The following SMARCAD1 variants were observed in gnomAD, a reference collection of about 807,000 sequenced individuals.
SMARCAD1 encodes SWI/SNF-related matrix-associated actin-dependent regulator of chromatin subfamily A containing DEAD/H box 1.
SMARCAD1 carries 25 observed loss-of-function variants against 127.1 expected under a neutral mutation model. The ratio of observed to expected loss-of-function variants is 0.20; its 90% CI spans 0.14 to 0.27. The LOEUF is 0.27. Ranked by LOEUF, SMARCAD1 falls within the 10% of genes least tolerant of loss-of-function variation. The pLI, the probability that SMARCAD1 is intolerant of heterozygous loss-of-function variation, is 1.00. For synonymous variants in SMARCAD1, 400 were observed against 396.9 expected, an observed-to-expected ratio of 1.01 and a Z score of -0.09; for missense variants, 807 against 1,206.0, an observed-to-expected ratio of 0.67 and a Z score of 4.90.
intron 12 of SMARCAD1, among the ~76,000 whole-genome samples, chr4:94,273,950 A>G (rs900700230): frequency 6.6e-6 from 1 of 152,240 alleles, no homozygotes; most frequent in African/African-American, 2.4e-5. Flanking sequence ...ATTTTAGACC[A>G]AGGACGATTT....
At chr4:94,233,240 CATTT>C (rs941394340) in intron 3 of SMARCAD1, among the ~76,000 whole-genome samples, 1 of 152,164 alleles carries the variant, frequency 6.6e-6, no homozygotes, top group Non-Finnish European at 1.5e-5. Context: ...AACTTACATT[CATTT>C]GTTACTGTTC....
At position 94,290,745 on chromosome 4, in the gene SMARCAD1, T is replaced by C. The variant is rs751947953; in HGVS notation, c.*1211T>C. Reference sequence around the variant, plus strand: ...TGTTTTTATTATACATCAGTTTCTTTGTATAACTTGTGAGTTCCATGTGTT... The same window carrying C: ...TGTTTTTATTATACATCAGTTTCTTCGTATAACTTGTGAGTTCCATGTGTT... On this transcript the variant is annotated 3_prime_UTR_variant, in exon 24 of 24. Transcript: ENST00000354268. The C allele has an allele frequency of 2.6e-5, 11 of 427,934 alleles. No homozygotes were observed. Among genetic ancestry groups the C allele is most frequent in the Non-Finnish European group, 4.1e-5 (9 of 217,518 alleles). 26.5% of individuals were successfully genotyped at this position (427,934 alleles called of 1,614,324 possible).
chr4:94,255,164 T>C (rs939801308), intron 9 of SMARCAD1, among the ~76,000 whole-genome samples: 12 of 152,046 alleles, frequency 7.9e-5, no homozygotes, highest in African/African-American at 1.2e-4. Context: ...CAGTCATATT[T>C]TAATGAAAAT....
chr4:94,278,663 A>C lies in SMARCAD1; in HGVS notation c.2226A>C (p.Ala742=). Residue 742 remains alanine, a synonymous_variant, in exon 18 of 24, where the codon GCA becomes GCC. Transcript: ENST00000354268. ...AGAAAGATCGAATTGAGTTGTGTGC[A>C]ATGTCGGAGAAGCAGGAGCAACTCT... is the stretch of plus-strand genomic sequence containing the variant. ...PPKKDRIELC[A]MSEKQEQLYL... 6.2e-7 allele frequency: 1 copy of C among 1,614,026 alleles called. No homozygotes were observed. The highest frequency in any genetic ancestry group is 8.5e-7 in the Non-Finnish European group (1 of 1,179,974).
chr4:94,277,120 T>A lies in SMARCAD1; in HGVS notation c.2043T>A (p.Ser681Arg), dbSNP rs1368124180. The change falls in exon 16 of 24, where the codon AGT becomes AGA. Residue 681 changes from serine (S) to arginine (R), a missense_variant. By Grantham distance (110) the Ser-to-Arg change is moderately radical. Around this residue, in one of 8 missense-constraint regions of SMARCAD1, gnomAD observed 148 missense variants for 313.2 expected, o/e 0.47. Transcript: ENST00000354268. The stretch of plus-strand genomic sequence containing the variant: ...TTGTTATGCCACACATGTTTAGTAG[T>A]AGCACCAGTGAAATACGAAGAATGT... The part of the protein sequence containing the change: ...LNFVMPHMFS[S>R]STSEIRRMFS... 2 of 1,614,060 alleles carry A rather than the reference T, an allele frequency of 1.2e-6. No homozygotes were observed. The highest frequency in any genetic ancestry group is 1.7e-6 in the Non-Finnish European group (2 of 1,179,928).
At chr4:94,264,954 A>C (rs1182172591) in intron 10 of SMARCAD1, 48 bp downstream of exon 10, 2 of 1,529,988 alleles carry the variant, frequency 1.3e-6, no homozygotes, top group East Asian at 2.4e-5. Flanking sequence ...CAATTATACA[A>C]AATATCTGAA....
chr4:94,255,793 AATC>A (rs1446800723), intron 9 of SMARCAD1, among the ~76,000 whole-genome samples: 1 of 151,934 alleles, frequency 6.6e-6, no homozygotes, highest in Non-Finnish European at 1.5e-5. Context: ...TCAGCTTTAT[AATC>A]ATTTATTAGT....
chr4:94,285,121 C>T, intron 23 of SMARCAD1, 52 bp downstream of exon 23: 1 of 1,181,252 alleles, frequency 8.5e-7, no homozygotes, highest in Non-Finnish European at 1.3e-6. Flanking sequence ...GACCATGCAT[C>T]TAATTAGTCA....
intron 14 of SMARCAD1, 109 bp downstream of exon 14, chr4:94,275,074 G>C (rs934550800): frequency 4.3e-5 from 34 of 797,766 alleles, no homozygotes; most frequent in Non-Finnish European, 7.0e-5. Context: ...ACTGTGATAC[G>C]AAAGTAATAG....
chr4:94,219,251 G>A (rs1414438061), intron 2 of SMARCAD1, among the ~76,000 whole-genome samples: 1 of 152,002 alleles, frequency 6.6e-6, no homozygotes, highest in Non-Finnish European at 1.5e-5. Flanking sequence ...GAAACGGCAG[G>A]GATTTATAAT....
In SMARCAD1 at chr4:94,291,202, T is replaced by A. The variant is rs755258196; in HGVS notation, c.*1668T>A. ...TGTTGTTATTGTTGTTGTTGTTATA[T>A]CCATACTTTTATCTCTAATGAAATG... On this transcript the variant is annotated 3_prime_UTR_variant, in exon 24 of 24. Coordinates refer to ENST00000354268, the MANE Select transcript of SMARCAD1 (RefSeq NM_020159.5). The A allele has an allele frequency of 2.2e-6, 1 of 454,172 alleles. No individual in the cohort carries two copies. The highest frequency in any genetic ancestry group is 4.4e-6 in the Non-Finnish European group (1 of 226,756). 28.1% of individuals were successfully genotyped at this position (454,172 alleles called of 1,614,324 possible).
chr4:94,269,282 C>A (rs1752187384), intron 10 of SMARCAD1, among the ~76,000 whole-genome samples: 1 of 152,110 alleles, frequency 6.6e-6, no homozygotes, highest in South Asian at 2.1e-4. Context: ...TATGTCCAGA[C>A]CCTTCCCTGT....
chr4:94,281,733 T>G, intron 21 of SMARCAD1, 143 bp downstream of exon 21: 3 of 675,378 alleles, frequency 4.4e-6, no homozygotes, highest in Non-Finnish European at 7.8e-6. Flanking sequence ...TAAGAGTAAT[T>G]TCAATGGTCA....
At chr4:94,266,528 T>C (rs1449781599) in intron 10 of SMARCAD1, among the ~76,000 whole-genome samples, 1 of 152,020 alleles carries the variant, frequency 6.6e-6, no homozygotes, top group Non-Finnish European at 1.5e-5. Context: ...TTAAGTGCAC[T>C]TTTAGGGGTT....
chr4:94,267,587 CTG>C (rs569962143), intron 10 of SMARCAD1, among the ~76,000 whole-genome samples: 251 of 152,226 alleles, frequency 1.6e-3, no homozygotes, highest in African/African-American at 5.7e-3. Flanking sequence ...AATTTTCAGA[CTG>C]TGGAGAAATC....
intron 22 of SMARCAD1, among the ~76,000 whole-genome samples, chr4:94,284,071 T>C (rs1436218336): frequency 3.3e-5 from 5 of 151,250 alleles, no homozygotes; most frequent in Admixed American, 1.3e-4. Context: ...CCTGTAATCC[T>C]AGCACTTTGG....
intron 9 of SMARCAD1, chr4:94,253,743 A>G: frequency 2.1e-6 from 2 of 935,116 alleles, no homozygotes; most frequent in Non-Finnish European, 2.6e-6. Context: ...GAATACCTGC[A>G]TTTTGAGTTT....
intron 19 of SMARCAD1, 115 bp downstream of exon 19, chr4:94,279,165 A>G: frequency 7.1e-7 from 1 of 1,418,222 alleles, no homozygotes; most frequent in Non-Finnish European, 9.7e-7. Context: ...TTTAAGAAAA[A>G]CTTTTTTTTT....
intron 2 of SMARCAD1, among the ~76,000 whole-genome samples, chr4:94,211,280 A>G (rs895798230): frequency 1.3e-5 from 2 of 152,214 alleles, no homozygotes; most frequent in African/African-American, 2.4e-5. Context: ...GTCAAAATAA[A>G]TAAATAAATA....
Sources: gnomAD v4.1 joint callset for allele counts (sites outside exome capture counted in the v4.1 genomes callset) on GRCh38, gnomAD v4.1.1 for gene constraint, gnomAD v4.1.1 regional missense constraint, MANE v1.5 for transcripts, NCBI Gene and HGNC (gene_info 2026-07-23, HGNC 2026-07-21) for gene names.